RFWD3: variants seen among roughly 807,000 people sequenced by gnomAD.
The protein encoded by RFWD3 is E3 ubiquitin-protein ligase RFWD3.
In RFWD3, 65 loss-of-function variants were observed where a neutral mutation model predicts 87.7. That is an observed-to-expected ratio of 0.74 (90% CI 0.61 to 0.91). The LOEUF is 0.91. Among genes scored for constraint, RFWD3 ranks in the 40% least tolerant of loss-of-function variants. RFWD3 has a pLI of 0.00. For synonymous variants in RFWD3, 433 were observed against 352.8 expected (o/e 1.23, Z -2.55); for missense variants, 1,078 against 938.5 (o/e 1.15, Z -1.94).
rs148851729 is a variant in RFWD3 at position 74,661,421 on chromosome 16, A to T, written c.29T>A (p.Val10Asp). 78 of 1,612,882 alleles carry T rather than the reference A, an allele frequency of 4.8e-5. No homozygotes were observed. The highest frequency in any genetic ancestry group is 6.2e-5 in the Non-Finnish European group (73 of 1,179,666). Residue 10 changes from valine to aspartate, a missense_variant, in exon 2 of 13, where the codon GTT becomes GAT. Physicochemically the swap from Val to Asp is radical, Grantham distance 152 (BLOSUM62 -3). Coordinates refer to ENST00000361070, the MANE Select transcript of RFWD3 (RefSeq NM_018124.4). ...TTCGGCATGATTTAACTGCACCTGAACATCATATTCCATTGCTTCATGAGC... is the reference window on the plus strand; with the variant it reads ...TTCGGCATGATTTAACTGCACCTGATCATCATATTCCATTGCTTCATGAGC... MAHEAMEYD[V>D]QVQLNHAEQQ...
intron 1 of RFWD3, chr16:74,666,370 A>G (rs1390154310): frequency 1.3e-5 from 2 of 152,226 alleles, no homozygotes; most frequent in Non-Finnish European, 2.9e-5. Context: ...GAAATTAAAA[A>G]TGAAGTTCTT....
At chr16:74,631,636 A>C (rs775613829) in intron 9 of RFWD3, among the ~76,000 whole-genome samples, 1 of 152,212 alleles carries the variant, frequency 6.6e-6, no homozygotes, top group African/African-American at 2.4e-5. Flanking sequence ...TAAGGGTATA[A>C]AAGAAGTCAT....
chr16:74,644,823 CA>C (rs71682116), intron 4 of RFWD3, 88 bp from the exon 5 acceptor site: 117,701 of 1,207,786 alleles, frequency 0.097, 10,472 homozygotes, highest in East Asian at 0.38. Flanking sequence ...AACAGAAGTG[CA>C]AAAAAAATGA....
rs1383023583 is a variant in RFWD3, at chr16:74,639,909, TGAGA to T, written c.1080-1943_1080-1940del. On this transcript the variant is annotated intron_variant, in intron 6 of 12. Coordinates refer to ENST00000361070, the MANE Select transcript of RFWD3 (RefSeq NM_018124.4). ...ACAACCTACAAATATCGAGATATGT[TGAGA>T]GAGAGATGGAGACCACACTCACATA... 2.6e-5 allele frequency among the ~76,000 whole-genome samples: 4 copies of T among 152,254 alleles called. No individual in the cohort carries two copies. The East Asian group carries it at 7.7e-4, about 29-fold the overall frequency.
intron 9 of RFWD3, 111 bp from the exon 10 acceptor site, chr16:74,631,068 T>G: frequency 1.1e-6 from 1 of 934,544 alleles, no homozygotes; most frequent in Non-Finnish European, 1.5e-6. Flanking sequence ...AACACACTCA[T>G]ACTCCCAAAC....
At position 74,623,851 on chromosome 16, in the gene RFWD3, G is replaced by C. The variant is rs1195550566; in HGVS notation, c.*77C>G. 6.8e-7 allele frequency: 1 copy of C among 1,475,280 alleles called. No individual in the cohort carries two copies. The highest frequency in any genetic ancestry group is 1.4e-5 in the African/African-American group (1 of 72,112). The allele number at this position is 1,475,280 out of a possible 1,614,324, so 91.4% of individuals were successfully genotyped here. A position where few individuals can be genotyped will look rare whatever the true frequency, so the allele number is the denominator to read the frequency against. On this transcript the variant is annotated 3_prime_UTR_variant, in exon 13 of 13. Transcript: ENST00000361070. ...GTTCTAGACTGCAGACAATAAACAG[G>C]GATCTTGCTTGGGGCTGCTAGGCGC...
Position 74,627,702 on chromosome 16 carries a change from G to A in RFWD3, c.1969+750C>T, listed in dbSNP as rs561555617. 1.4e-4 allele frequency among the ~76,000 whole-genome samples: 21 copies of A among 152,326 alleles called. No individual in the cohort carries two copies. In the South Asian group the frequency reaches 4.1e-3, roughly 30 times the overall value. ...CAGTACAAACAAGTTTCCTGTGAGA[G>A]GGACATCTGGTCATGGGTCAGGCAG... On this transcript the variant is annotated intron_variant, in intron 11 of 12. Coordinates refer to ENST00000361070, the MANE Select transcript of RFWD3 (RefSeq NM_018124.4).
chr16:74,640,556 G>T (rs962544091), intron 6 of RFWD3, among the ~76,000 whole-genome samples: 1 of 151,954 alleles, frequency 6.6e-6, no homozygotes, highest in Non-Finnish European at 1.5e-5. Flanking sequence ...AGCTACTCAG[G>T]ATGCTGAGGT....
intron 6 of RFWD3, among the ~76,000 whole-genome samples, chr16:74,640,945 A>C (rs930082297): frequency 6.6e-6 from 1 of 152,138 alleles, no homozygotes; most frequent in African/African-American, 2.4e-5. Context: ...TCTCAAAATA[A>C]ATAAAATTCA....
At chr16:74,651,464 A>T (rs1050231570) in intron 3 of RFWD3, among the ~76,000 whole-genome samples, 5 of 152,114 alleles carry the variant, frequency 3.3e-5, no homozygotes, top group African/African-American at 1.2e-4. Flanking sequence ...CAAAAAATTT[A>T]AAAAATTAGC....
intron 3 of RFWD3, 63 bp downstream of exon 3, chr16:74,651,857 C>T: frequency 6.9e-7 from 1 of 1,439,738 alleles, no homozygotes; most frequent in Non-Finnish European, 9.7e-7. Flanking sequence ...AGTTTCTAGC[C>T]TTCCGAAATT....
At chr16:74,642,599 C>G (rs986961630) in intron 6 of RFWD3, among the ~76,000 whole-genome samples, 2 of 152,096 alleles carry the variant, frequency 1.3e-5, no homozygotes, top group African/African-American at 2.4e-5. Context: ...CTCCTGGGCT[C>G]AAGAAATCCT....
In RFWD3 at chr16:74,633,455, C is replaced by A. The variant is rs1413534504; in HGVS notation, c.1427-782G>T. Among the ~76,000 whole-genome samples, 4 of 151,596 alleles carry A rather than the reference C, an allele frequency of 2.6e-5. No individual in the cohort carries two copies. The East Asian group carries it at 5.8e-4, about 22-fold the overall frequency. On this transcript the variant is annotated intron_variant, in intron 8 of 12. Coordinates refer to ENST00000361070, the MANE Select transcript of RFWD3 (RefSeq NM_018124.4). Reference sequence around the variant, plus strand: ...ATACCACCCGTTAAAAAGGAATTAACTACTAATATATACAATAAAAAATTA... The same window carrying A: ...ATACCACCCGTTAAAAAGGAATTAAATACTAATATATACAATAAAAAATTA...
Position 74,630,271 on chromosome 16 carries a change from T to C in RFWD3, c.1754+510A>G, listed in dbSNP as rs539491797. 1.8e-4 allele frequency among the ~76,000 whole-genome samples: 28 copies of C among 152,370 alleles called. No homozygotes were observed. The South Asian group carries it at 5.8e-3, about 32-fold the overall frequency. On this transcript the variant is annotated intron_variant, in intron 10 of 12. Transcript: ENST00000361070. ...CCACCACGCATGGCTAACATTTTTTTGTATTTTCAGTAGAGACGGGGTTTT... is the reference window on the plus strand; with the variant it reads ...CCACCACGCATGGCTAACATTTTTTCGTATTTTCAGTAGAGACGGGGTTTT...
At chr16:74,627,489 T>G (rs1958971973) in intron 11 of RFWD3, among the ~76,000 whole-genome samples, 1 of 152,120 alleles carries the variant, frequency 6.6e-6, no homozygotes, top group South Asian at 2.1e-4. Context: ...GCTGCCCTCT[T>G]CTCTGTGGGA....
chr16:74,655,361 T>C (rs2144298824), intron 2 of RFWD3, among the ~76,000 whole-genome samples: 1 of 151,392 alleles, frequency 6.6e-6, no homozygotes, highest in South Asian at 2.1e-4. Flanking sequence ...TGCCTCAGCC[T>C]CCCGAGTAGC....
At chr16:74,626,988 A>C (rs1279972390) in intron 11 of RFWD3, among the ~76,000 whole-genome samples, 1 of 152,180 alleles carries the variant, frequency 6.6e-6, no homozygotes, top group East Asian at 1.9e-4. Flanking sequence ...ACAGAAAGGG[A>C]AACATGTATC....
chr16:74,632,398 A>C, intron 9 of RFWD3, 125 bp downstream of exon 9: 1 of 1,163,334 alleles, frequency 8.6e-7, no homozygotes, highest in Non-Finnish European at 1.2e-6. Context: ...TCTCAAAAAA[A>C]CAAAACAAAA....
At chr16:74,656,484 C>CT (rs890744411) in intron 2 of RFWD3, among the ~76,000 whole-genome samples, 154 of 150,986 alleles carry the variant, frequency 1.0e-3, no homozygotes, top group Middle Eastern at 6.9e-3. Context: ...ATCCACCATT[C>CT]TTTTTTTTTC....
Sources: gnomAD v4.1 joint callset for allele counts (sites outside exome capture counted in the v4.1 genomes callset) on GRCh38, gnomAD v4.1.1 for gene constraint, MANE v1.5 for transcripts, NCBI Gene and HGNC (gene_info 2026-07-23, HGNC 2026-07-21) for gene names.